Variants in ARMC2 observed in about 807,000 individuals in gnomAD.
ARMC2 encodes armadillo repeat containing 2.
Under a neutral mutation model 90.3 loss-of-function variants are expected in ARMC2, and 67 were observed. That is an observed-to-expected ratio of 0.74 (90% CI 0.61 to 0.91). The LOEUF is 0.91. ARMC2 is among the 40% of genes least tolerant of loss of function. The pLI, the probability that ARMC2 is intolerant of heterozygous loss-of-function variation, is 0.00. For missense variants in ARMC2, 920 were observed against 1,030.9 expected (o/e 0.89, Z 1.47); for synonymous variants, 393 against 393.0 (o/e 1.00, Z 0.00).
At chr6:108,960,738 C>T (rs920712237) in intron 13 of ARMC2, among the ~76,000 whole-genome samples, 4 of 152,144 alleles carry the variant, frequency 2.6e-5, no homozygotes, top group African/African-American at 2.4e-5. Flanking sequence ...GCTAGGAGGA[C>T]GTAAGGAGTG....
intron 1 of ARMC2, among the ~76,000 whole-genome samples, chr6:108,853,253 C>T (rs182663843): frequency 1.3e-5 from 2 of 152,180 alleles, no homozygotes; most frequent in Admixed American, 1.3e-4. Flanking sequence ...TTCTTATTGT[C>T]TGTTGTTATG....
intron 12 of ARMC2, among the ~76,000 whole-genome samples, chr6:108,945,959 C>T (rs1016754947): frequency 2.6e-5 from 4 of 152,346 alleles, no homozygotes; most frequent in Non-Finnish European, 4.4e-5. Context: ...GACAGGAGCA[C>T]GCCCTATGGC....
At chr6:108,958,917 G>A (rs1562430304) in intron 13 of ARMC2, among the ~76,000 whole-genome samples, 1 of 152,232 alleles carries the variant, frequency 6.6e-6, no homozygotes, top group Non-Finnish European at 1.5e-5. Context: ...CGGCCAGTGA[G>A]TGGAAGCACA....
chr6:109,003,974 T>A, the ARMC2 span, among the ~76,000 whole-genome samples: 1 of 152,198 alleles, frequency 6.6e-6, no homozygotes, highest in Non-Finnish European at 1.5e-5. Flanking sequence ...TTTCAAGGGT[T>A]TATTACTGTT....
At chr6:108,948,827 T>G (rs1376896966) in intron 12 of ARMC2, among the ~76,000 whole-genome samples, 1 of 152,052 alleles carries the variant, frequency 6.6e-6, no homozygotes, top group South Asian at 2.1e-4. Context: ...TTAGACTGCA[T>G]GTGACAGTGG....
chr6:108,930,749 CCA>C (rs1775481744), intron 11 of ARMC2, among the ~76,000 whole-genome samples: 1 of 151,736 alleles, frequency 6.6e-6, no homozygotes, highest in South Asian at 2.1e-4. Context: ...GGCACCCACA[CCA>C]CGCCCAGCTA....
At chr6:108,970,120 T>TTTTGGA (rs1778662124) in intron 17 of ARMC2, among the ~76,000 whole-genome samples, 2 of 152,212 alleles carry the variant, frequency 1.3e-5, no homozygotes, top group Admixed American at 1.3e-4. Flanking sequence ...CAAAATTTAA[T>TTTTGGA]ACCCCATGTG....
intron 5 of ARMC2, among the ~76,000 whole-genome samples, chr6:108,889,119 G>A (rs1770683694): frequency 6.6e-6 from 1 of 152,016 alleles, no homozygotes; most frequent in Non-Finnish European, 1.5e-5. Flanking sequence ...GAGTAGTGTT[G>A]TCATTTGCTG....
At chr6:108,859,074 C>A (rs981647174) in intron 3 of ARMC2, among the ~76,000 whole-genome samples, 1 of 152,192 alleles carries the variant, frequency 6.6e-6, no homozygotes. Flanking sequence ...ATGATAAATT[C>A]TCCTTTCCTG....
intron 7 of ARMC2, among the ~76,000 whole-genome samples, chr6:108,900,335 C>G (rs946275413): frequency 9.9e-5 from 15 of 152,172 alleles, no homozygotes; most frequent in Non-Finnish European, 2.1e-4. Flanking sequence ...AAGTGAAGGC[C>G]CACCATCGAT....
intron 5 of ARMC2, among the ~76,000 whole-genome samples, chr6:108,879,660 T>TA (rs905499140): frequency 6.7e-5 from 10 of 150,106 alleles, no homozygotes; most frequent in East Asian, 1.9e-4. Flanking sequence ...TTTACCTGCT[T>TA]AAAAAATCTG....
At chr6:108,857,426 G>A (rs919955633) in intron 2 of ARMC2, among the ~76,000 whole-genome samples, 3 of 152,052 alleles carry the variant, frequency 2.0e-5, no homozygotes, top group African/African-American at 7.2e-5. Context: ...CAGCTCTTTA[G>A]GATTTTCTAC....
At chr6:108,976,602 G>A (rs1297017004), downstream of ARMC2, among the ~76,000 whole-genome samples, 1 of 152,106 alleles carries the variant, frequency 6.6e-6, no homozygotes, top group Non-Finnish European at 1.5e-5. Context: ...GGGCAGTATG[G>A]CCATTTTGAC....
rs145985917 is a variant in ARMC2 at position 108,873,162 on chromosome 6, C to G, written c.464-2981C>G. On this transcript the variant is annotated intron_variant, in intron 4 of 17. Transcript: ENST00000392644. ...TGTATTGTAGCATGGAAGCAGCCAT[C>G]CACCAATTTATGGCCACTGAAACTT... 4.2e-3 allele frequency among the ~76,000 whole-genome samples: 645 copies of G among 152,314 alleles called. 4 individuals carry two copies. Among genetic ancestry groups the G allele is most frequent in the African/African-American group, 0.015 (608 of 41,568 alleles).
intron 3 of ARMC2, among the ~76,000 whole-genome samples, chr6:108,863,135 T>G (rs1242085797): frequency 6.6e-6 from 1 of 152,048 alleles, no homozygotes; most frequent in Non-Finnish European, 1.5e-5. Context: ...TTGTAGGGTT[T>G]TGTTTGTTTG....
rs1028948027 is a variant in ARMC2 at position 108,957,371 on chromosome 6, G to A, written c.1915+4020G>A. Among the ~76,000 whole-genome samples the A allele has an allele frequency of 3.9e-5, 6 of 152,182 alleles. No individual in the cohort carries two copies. The South Asian group carries it at 6.2e-4, about 16-fold the overall frequency. ...TCCTACCTGTTTTGTCTGTGTCGGT[G>A]TGGAGTGGTGACCACATTCCAGGAA... is the stretch of plus-strand genomic sequence containing the variant. On this transcript the variant is annotated intron_variant, in intron 13 of 17. Transcript: ENST00000392644.
At chr6:108,951,172 C>G (rs1777150771) in intron 12 of ARMC2, among the ~76,000 whole-genome samples, 1 of 152,202 alleles carries the variant, frequency 6.6e-6, no homozygotes, top group South Asian at 2.1e-4. Flanking sequence ...TGGCTGTGAC[C>G]TGGGACTCAT....
intron 5 of ARMC2, among the ~76,000 whole-genome samples, chr6:108,883,803 T>A (rs887079441): frequency 6.6e-6 from 1 of 152,232 alleles, no homozygotes; most frequent in Non-Finnish European, 1.5e-5. Context: ...ACATGTATGG[T>A]ATGATTCCAT....
intron 13 of ARMC2, among the ~76,000 whole-genome samples, chr6:108,958,208 G>T (rs1777728526): frequency 2.0e-5 from 3 of 152,100 alleles, no homozygotes; most frequent in Admixed American, 2.0e-4. Context: ...TGACCATGCA[G>T]CCTCCCTGAT....
Sources: allele counts gnomAD v4.1 joint callset (sites outside exome capture counted in the v4.1 genomes callset), GRCh38; gene constraint gnomAD v4.1.1; transcripts MANE v1.5; gene names NCBI Gene and HGNC (gene_info 2026-07-23, HGNC 2026-07-21).